The following SV2C variants were observed in gnomAD, a reference collection of about 807,000 sequenced individuals.
SV2C encodes the protein synaptic vesicle glycoprotein 2C.
Under a neutral mutation model 79.7 loss-of-function variants are expected in SV2C, and 49 were observed. The observed-to-expected ratio is 0.61, with a 90% CI of 0.49 to 0.78. The LOEUF (loss-of-function observed/expected upper bound fraction) is 0.78, where lower values mean the gene tolerates loss of function less well. Among genes scored for constraint, SV2C ranks in the 30% least tolerant of loss-of-function variants. The probability of loss-of-function intolerance (pLI) is 0.00; values close to 1 mark genes in which losing one functional copy is unlikely to be tolerated. For missense variants in SV2C, 833 were observed against 912.9 expected (o/e 0.91, Z 1.13); for synonymous variants, 334 against 333.2 (o/e 1.00, Z -0.03).
the SV2C span, among the ~76,000 whole-genome samples, chr5:75,860,438 A>G: frequency 7.9e-5 from 12 of 152,234 alleles, no homozygotes; most frequent in Non-Finnish European, 1.6e-4. Context: ...AATATCATAA[A>G]TGACACAAAC....
chr5:76,138,586 C>A (rs562224324), intron 2 of SV2C, among the ~76,000 whole-genome samples: 1 of 152,102 alleles, frequency 6.6e-6, no homozygotes, highest in African/African-American at 2.4e-5. Flanking sequence ...ATCAAATTAG[C>A]CCATAGTGCA....
chr5:76,101,326 A>G (rs1021222063), intron 1 of SV2C, among the ~76,000 whole-genome samples: 9 of 152,214 alleles, frequency 5.9e-5, no homozygotes, highest in South Asian at 2.1e-4. Context: ...TCAGGTGTAC[A>G]GTGGCTTAGG....
chr5:76,197,281 C>T (rs560963293), intron 3 of SV2C, among the ~76,000 whole-genome samples: 2 of 152,260 alleles, frequency 1.3e-5, no homozygotes, highest in South Asian at 2.1e-4. Flanking sequence ...TTTGTTCCTC[C>T]TCACATACAT....
At chr5:76,279,316 G>T (rs1747113018) in intron 4 of SV2C, among the ~76,000 whole-genome samples, 1 of 152,196 alleles carries the variant, frequency 6.6e-6, no homozygotes, top group South Asian at 2.1e-4. Context: ...GTGGCATGCA[G>T]GTGGCACTTA....
chr5:76,337,518 G>C (rs568434243), downstream of SV2C, among the ~76,000 whole-genome samples: 44 of 152,258 alleles, frequency 2.9e-4, no homozygotes, highest in South Asian at 3.7e-3. Context: ...CTACCTATTT[G>C]ATTATGTATG....
the SV2C span, among the ~76,000 whole-genome samples, chr5:76,053,600 C>T: frequency 2.6e-5 from 4 of 152,294 alleles, no homozygotes; most frequent in Admixed American, 6.5e-5. Context: ...AAAAAAGATT[C>T]TATCAGTAGT....
chr5:75,913,989 T>G, the SV2C span, among the ~76,000 whole-genome samples: 1 of 152,142 alleles, frequency 6.6e-6, no homozygotes, highest in Admixed American at 6.5e-5. Flanking sequence ...TTAAACATTA[T>G]ATTTTAACTT....
At chr5:76,129,150 A>G (rs1001297811) in intron 1 of SV2C, among the ~76,000 whole-genome samples, 9 of 152,212 alleles carry the variant, frequency 5.9e-5, no homozygotes, top group Admixed American at 2.0e-4. Context: ...GTAGATTCAC[A>G]TGCAGTTGTA....
chr5:76,119,705 G>GA (rs371322403), intron 1 of SV2C, among the ~76,000 whole-genome samples: 35 of 146,756 alleles, frequency 2.4e-4, no homozygotes, highest in East Asian at 9.9e-4. Flanking sequence ...ACCCTATAGG[G>GA]AAAAAAAAAC....
chr5:76,064,327 G>A, the SV2C span, among the ~76,000 whole-genome samples: 3 of 152,174 alleles, frequency 2.0e-5, no homozygotes, highest in Non-Finnish European at 2.9e-5. Context: ...GGAGATGTGA[G>A]CCTTCCACAA....
intron 4 of SV2C, among the ~76,000 whole-genome samples, chr5:76,210,489 G>A (rs1186625690): frequency 1.3e-5 from 2 of 152,232 alleles, no homozygotes; most frequent in Non-Finnish European, 2.9e-5. Flanking sequence ...CAGGTGAAGA[G>A]AAACACAGGG....
rs140578187 is a variant in SV2C at position 76,213,056 on chromosome 5, A to G, written c.913+3169A>G. Among the ~76,000 whole-genome samples the G allele has an allele frequency of 4.2e-4, 64 of 152,386 alleles. 1 individual carries two copies. The South Asian group carries it at 5.2e-3, about 12-fold the overall frequency. ...CAACAAAATTAAATGTCGGAGGCTGACATCAACTTTTATGTTGACAACACC... is the reference window on the plus strand; with the variant it reads ...CAACAAAATTAAATGTCGGAGGCTGGCATCAACTTTTATGTTGACAACACC... On this transcript the variant is annotated intron_variant, in intron 4 of 12. Coordinates refer to ENST00000502798, the MANE Select transcript of SV2C (RefSeq NM_014979.4).
the SV2C span, among the ~76,000 whole-genome samples, chr5:75,939,351 C>T: frequency 7.9e-5 from 12 of 152,128 alleles, no homozygotes; most frequent in African/African-American, 2.9e-4. Context: ...TCTATGTCCT[C>T]CCATGGCAGA....
At chr5:76,122,217 T>A (rs1247726076) in intron 1 of SV2C, among the ~76,000 whole-genome samples, 1 of 151,542 alleles carries the variant, frequency 6.6e-6, no homozygotes, top group East Asian at 1.9e-4. Flanking sequence ...TGTACATTGA[T>A]TTTGTATCCT....
At chr5:75,927,226 G>A in the SV2C span, among the ~76,000 whole-genome samples, 7 of 152,084 alleles carry the variant, frequency 4.6e-5, no homozygotes, top group South Asian at 6.2e-4. Context: ...CATAATAGCC[G>A]AAATATGGAA....
chr5:75,884,189 A>G, the SV2C span, among the ~76,000 whole-genome samples: 1 of 152,172 alleles, frequency 6.6e-6, no homozygotes, highest in Non-Finnish European at 1.5e-5. Flanking sequence ...AACTTTTGAG[A>G]AACACCAAAG....
chr5:76,194,672 T>G (rs1463269515), intron 2 of SV2C, among the ~76,000 whole-genome samples: 1 of 152,250 alleles, frequency 6.6e-6, no homozygotes, highest in Non-Finnish European at 1.5e-5. Flanking sequence ...CTGAGTGTAC[T>G]CAGCTATCTG....
the SV2C span, among the ~76,000 whole-genome samples, chr5:75,934,302 CTTT>C: frequency 1.0e-4 from 11 of 107,826 alleles, no homozygotes; most frequent in East Asian, 8.1e-4. Flanking sequence ...TTCTTTCTTT[CTTT>C]TTTTTTTTTT....
the SV2C span, among the ~76,000 whole-genome samples, chr5:75,997,358 A>G: frequency 2.0e-5 from 3 of 152,150 alleles, no homozygotes; most frequent in African/African-American, 7.2e-5. Flanking sequence ...ACTAAACTAA[A>G]GAGCTTCTGC....
Sources: gnomAD v4.1 joint callset for allele counts (sites outside exome capture counted in the v4.1 genomes callset) on GRCh38, gnomAD v4.1.1 for gene constraint, MANE v1.5 for transcripts, NCBI Gene and HGNC (gene_info 2026-07-23, HGNC 2026-07-21) for gene names.